Variants in PREX2 observed in about 807,000 individuals in gnomAD.
The protein encoded by PREX2 is phosphatidylinositol 3,4,5-trisphosphate-dependent Rac exchanger 2 protein.
In PREX2, 107 loss-of-function variants were observed where a neutral mutation model predicts 203.2. That is an observed-to-expected ratio of 0.53 (90% CI 0.45 to 0.62). The LOEUF (loss-of-function observed/expected upper bound fraction) is 0.62, where lower values mean the gene tolerates loss of function less well. Among genes scored for constraint, PREX2 ranks in the 20% least tolerant of loss-of-function variants. The pLI is 0.00. For synonymous variants in PREX2, 672 were observed against 663.6 expected (o/e 1.01, Z -0.19); for missense variants, 1,777 against 1,955.9 (o/e 0.91, Z 1.72).
At chr8:67,990,523 T>C (rs1156349826) in intron 1 of PREX2, among the ~76,000 whole-genome samples, 1 of 151,376 alleles carries the variant, frequency 6.6e-6, no homozygotes, top group African/African-American at 2.4e-5. Context: ...TTTTTAATTT[T>C]TTTTGAGTCT....
chr8:68,032,028 T>C (rs1375740008), intron 6 of PREX2, among the ~76,000 whole-genome samples: 2 of 152,174 alleles, frequency 1.3e-5, no homozygotes, highest in African/African-American at 4.8e-5. Flanking sequence ...ACTGCAGAAA[T>C]GAGAGATTCC....
At position 68,119,428 on chromosome 8, in the gene PREX2, C is replaced by T; in HGVS notation, c.3422-4C>T. The T allele has an allele frequency of 6.2e-7, 1 of 1,609,232 alleles. No homozygotes were observed. The highest frequency in any genetic ancestry group is 8.5e-7 in the Non-Finnish European group (1 of 1,176,212). On this transcript the variant is annotated splice_polypyrimidine_tract_variant and splice_region_variant and intron_variant, in intron 27 of 39. Transcript: ENST00000288368. ...TTTGGTTTTGTTTTTGTTTTGACATCTAGGTGATGAACTTCCCTTAAGTGT... is the reference window on the plus strand; with the variant it reads ...TTTGGTTTTGTTTTTGTTTTGACATTTAGGTGATGAACTTCCCTTAAGTGT...
intron 37 of PREX2, among the ~76,000 whole-genome samples, chr8:68,205,532 C>T (rs185668640): frequency 4.4e-4 from 67 of 152,292 alleles, no homozygotes; most frequent in Middle Eastern, 3.4e-3. Context: ...TATGTAGAAC[C>T]GTACCAGCAA....
chr8:68,027,913 A>G (rs564274343), intron 5 of PREX2, among the ~76,000 whole-genome samples: 55 of 152,086 alleles, frequency 3.6e-4, no homozygotes, highest in Non-Finnish European at 6.9e-4. Flanking sequence ...AATTTTTATT[A>G]TGAAAAATAC....
chr8:68,163,243 C>A (rs1811688314), intron 35 of PREX2, among the ~76,000 whole-genome samples: 1 of 152,160 alleles, frequency 6.6e-6, no homozygotes, highest in Non-Finnish European at 1.5e-5. Flanking sequence ...AGATAAAACT[C>A]TCTAGTTTAA....
intron 30 of PREX2, among the ~76,000 whole-genome samples, chr8:68,123,226 A>G (rs1316767165): frequency 1.3e-5 from 2 of 152,086 alleles, no homozygotes; most frequent in Non-Finnish European, 1.5e-5. Flanking sequence ...TCTCTGGGAC[A>G]CAGCTAAGGC....
intron 23 of PREX2, 29 bp downstream of exon 23, chr8:68,099,872 T>C (rs1182669799): frequency 6.5e-7 from 1 of 1,526,752 alleles, no homozygotes; most frequent in Non-Finnish European, 9.1e-7. Flanking sequence ...TTATACACAA[T>C]TATTGTTGAA....
intron 1 of PREX2, among the ~76,000 whole-genome samples, chr8:67,961,731 T>C (rs1440660457): frequency 1.3e-5 from 2 of 152,222 alleles, no homozygotes; most frequent in African/African-American, 4.8e-5. Flanking sequence ...TTTGAAGTTA[T>C]GATTTTTAAG....
chr8:68,121,849 C>A (rs1810780782), intron 30 of PREX2, among the ~76,000 whole-genome samples: 1 of 152,140 alleles, frequency 6.6e-6, no homozygotes, highest in African/African-American at 2.4e-5. Flanking sequence ...ATGTATGAGA[C>A]AGTTCCTTAC....
intron 7 of PREX2, among the ~76,000 whole-genome samples, chr8:68,039,224 C>T (rs578041315): frequency 1.3e-5 from 2 of 152,208 alleles, no homozygotes; most frequent in African/African-American, 4.8e-5. Flanking sequence ...TCAACAAGAT[C>T]TTTGTTCACT....
intron 37 of PREX2, among the ~76,000 whole-genome samples, chr8:68,199,344 A>G (rs748508878): frequency 1.3e-5 from 2 of 152,182 alleles, no homozygotes; most frequent in Non-Finnish European, 1.5e-5. Context: ...TAACATATGT[A>G]AAGTTTTTTC....
chr8:68,208,569 TA>T (rs1812685533), intron 37 of PREX2, among the ~76,000 whole-genome samples: 1 of 152,228 alleles, frequency 6.6e-6, no homozygotes, highest in East Asian at 1.9e-4. Context: ...TGCAGATGCT[TA>T]TTTTTTAATA....
chr8:67,957,866 G>C (rs559599346), intron 1 of PREX2, among the ~76,000 whole-genome samples: 10 of 152,202 alleles, frequency 6.6e-5, no homozygotes, highest in African/African-American at 1.7e-4. Flanking sequence ...TGTATTTGTA[G>C]ATAGGGCCTT....
In PREX2 at chr8:68,019,434, G is replaced by A. The variant is rs531689716; in HGVS notation, c.214-115G>A. 7 of 752,134 alleles carry A rather than the reference G, an allele frequency of 9.3e-6. No homozygotes were observed. The Admixed American group carries it at 1.4e-4, about 15-fold the overall frequency. The allele number at this position is 752,134 out of a possible 1,614,324, so 46.6% of individuals were successfully genotyped here. On this transcript the variant is annotated intron_variant, in intron 2 of 39. Transcript: ENST00000288368. ...ACAAAATTGAGGCTCTGTCGGCAAG[G>A]TGGGAGGAAGGCATGGATGTATGGT...
chr8:68,121,002 C>T lies in PREX2; in HGVS notation c.3677C>T (p.Pro1226Leu). ...ATCAAGCAAGATCCTTGGAATCTTC[C>T]CAGCAGCGTCCGGACTCTTGCTCAG... ...LHIKQDPWNLPSSVRTLAQNI... is the reference protein window; with the variant it reads ...LHIKQDPWNLLSSVRTLAQNI... The change falls in exon 30 of 40, where the codon CCC becomes CTC. Residue 1226 changes from proline (P) to leucine (L), a missense_variant. Pro to Leu is a moderately conservative substitution (Grantham distance 98). Transcript: ENST00000288368. The T allele has an allele frequency of 6.2e-7, 1 of 1,613,754 alleles. No homozygotes were observed. The highest frequency in any genetic ancestry group is 8.5e-7 in the Non-Finnish European group (1 of 1,179,752).
chr8:67,978,514 T>C (rs1206122474), intron 1 of PREX2, among the ~76,000 whole-genome samples: 1 of 152,218 alleles, frequency 6.6e-6, no homozygotes, highest in Non-Finnish European at 1.5e-5. Flanking sequence ...GTTTGTGGGA[T>C]TATCCGTATT....
At chr8:68,190,887 A>G (rs145330236) in intron 35 of PREX2, among the ~76,000 whole-genome samples, 1 of 152,122 alleles carries the variant, frequency 6.6e-6, no homozygotes, top group African/African-American at 2.4e-5. Flanking sequence ...ATTTCTGTTT[A>G]GTATCGAGCC....
intron 27 of PREX2, chr8:68,118,872 A>C: frequency 1.5e-6 from 1 of 662,366 alleles, no homozygotes; most frequent in South Asian, 1.4e-5. Flanking sequence ...AACTAATTGT[A>C]ATCTTCAGAT....
rs781461527 is a variant in PREX2 at position 68,134,068 on chromosome 8, C to T, written c.3776C>T (p.Thr1259Ile). Residue 1259 changes from threonine to isoleucine, a missense_variant, in exon 32 of 40, where the codon ACA becomes ATA. Physicochemically the swap from Thr to Ile is moderately conservative, Grantham distance 89. Transcript: ENST00000288368. ...TTCTCTTTGATCACAGATAGTGAGA[C>T]ACAGCTCCGTAGAGACATGGTTTTC... ...LALLEYSDSE[T>I]QLRRDMVFCQ... The T allele has an allele frequency of 5.6e-6, 9 of 1,613,766 alleles. No individual in the cohort carries two copies. Among genetic ancestry groups the T allele is most frequent in the Admixed American group, 1.7e-5 (1 of 60,008 alleles).
Sources: gnomAD v4.1 joint callset for allele counts (sites outside exome capture counted in the v4.1 genomes callset) on GRCh38, gnomAD v4.1.1 for gene constraint, MANE v1.5 for transcripts, NCBI Gene and HGNC (gene_info 2026-07-23, HGNC 2026-07-21) for gene names.